The following SV2B variants were observed in gnomAD, a reference collection of about 807,000 sequenced individuals.
SV2B encodes the protein synaptic vesicle glycoprotein 2B.
In SV2B, 41 loss-of-function variants were observed where a neutral mutation model predicts 73.9. The observed-to-expected ratio is 0.56, with a 90% CI of 0.43 to 0.72. SV2B has a LOEUF of 0.72. SV2B is among the 30% of genes least tolerant of loss of function. The probability of loss-of-function intolerance (pLI) is 0.00; values close to 1 mark genes in which losing one functional copy is unlikely to be tolerated. For synonymous variants in SV2B, 314 were observed against 314.2 expected (o/e 1.00, Z 0.01); for missense variants, 764 against 857.8 (o/e 0.89, Z 1.37).
rs1300824336 is a variant in SV2B, at chr15:91,284,780, G to T, written c.1708+559G>T. On this transcript the variant is annotated intron_variant, in intron 11 of 12. Transcript: ENST00000394232. The surrounding 1 kb of genome is among the most constrained non-coding windows in gnomAD (Gnocchi z 4.5). ...ACATCCAGCTGGTAGGGTTTTGTGA[G>T]AATTGAACATAAGGTACCTGTAACA... Among the ~76,000 whole-genome samples the T allele has an allele frequency of 6.6e-6, 1 of 152,198 alleles. No homozygotes were observed. Among genetic ancestry groups the T allele is most frequent in the African/African-American group, 2.4e-5 (1 of 41,444 alleles).
chr15:91,243,952 T>G (rs928946629), intron 2 of SV2B, among the ~76,000 whole-genome samples: 3 of 152,160 alleles, frequency 2.0e-5, no homozygotes, highest in African/African-American at 7.2e-5. Context: ...CAAGTGAGAA[T>G]GTTGCATCCT....
At chr15:91,182,048 T>C (rs866317351) in intron 1 of SV2B, among the ~76,000 whole-genome samples, 1 of 152,104 alleles carries the variant, frequency 6.6e-6, no homozygotes, top group African/African-American at 2.4e-5. Context: ...CATTTCTAGG[T>C]GTAAGATTGT....
At chr15:91,148,925 A>G (rs1481206940) in intron 1 of SV2B, among the ~76,000 whole-genome samples, 1 of 152,210 alleles carries the variant, frequency 6.6e-6, no homozygotes, top group Non-Finnish European at 1.5e-5. Flanking sequence ...TCAGTCCACT[A>G]ATTCAAATGT....
rs541527239 is a variant in SV2B, at chr15:91,153,278, C to T, written c.-392+52915C>T. Reference sequence around the variant, plus strand: ...TGACTTTTGGGGGGACAAATACATTCGAACCATAGCAGCAGGATTCACTAT... The same window carrying T: ...TGACTTTTGGGGGGACAAATACATTTGAACCATAGCAGCAGGATTCACTAT... On this transcript the variant is annotated intron_variant, in intron 1 of 12. Coordinates refer to ENST00000394232, the MANE Select transcript of SV2B (RefSeq NM_001323032.3). 1.4e-4 allele frequency among the ~76,000 whole-genome samples: 22 copies of T among 152,252 alleles called. No individual in the cohort carries two copies. The South Asian group carries it at 1.5e-3, about 10-fold the overall frequency.
In SV2B at chr15:91,289,745, C is replaced by T; in HGVS notation, c.1868+65C>T. Reference sequence around the variant, plus strand: ...GCTTCTTTGGCCAGAAGTCTACCTGCTCCCTAAATCTCATGCTGTGCATGG... The same window carrying T: ...GCTTCTTTGGCCAGAAGTCTACCTGTTCCCTAAATCTCATGCTGTGCATGG... On this transcript the variant is annotated intron_variant, in intron 12 of 12. Coordinates refer to ENST00000394232, the MANE Select transcript of SV2B (RefSeq NM_001323032.3). This position sits in a 1 kb window ranked among gnomAD's most constrained non-coding sequence, Gnocchi z 4.9. 6.6e-7 allele frequency: 1 copy of T among 1,523,510 alleles called. No individual in the cohort carries two copies. The highest frequency in any genetic ancestry group is 8.9e-7 in the Non-Finnish European group (1 of 1,124,066). 94.4% of individuals were successfully genotyped at this position (1,523,510 alleles called of 1,614,324 possible). A position where few individuals can be genotyped will look rare whatever the true frequency, so the allele number is the denominator to read the frequency against.
intron 1 of SV2B, among the ~76,000 whole-genome samples, chr15:91,170,676 G>A (rs892788136): frequency 2.0e-5 from 3 of 152,200 alleles, no homozygotes; most frequent in African/African-American, 7.2e-5. Context: ...CTGCCCTGAG[G>A]TCAGTGATTT....
rs2048133220 is a variant in SV2B at position 91,267,157 on chromosome 15, C to T, written c.1120-398C>T. On this transcript the variant is annotated intron_variant, in intron 7 of 12. Transcript: ENST00000394232. This position sits in a 1 kb window ranked among gnomAD's most constrained non-coding sequence, Gnocchi z 4.3. ...GCTATTGAGCACTGAGGCAGCCAGA[C>T]AGCCAGCGTCTATTGGGACTGGTTG... is the stretch of plus-strand genomic sequence containing the variant. Among the ~76,000 whole-genome samples the T allele has an allele frequency of 6.6e-6, 1 of 152,232 alleles. No homozygotes were observed. Among genetic ancestry groups the T allele is most frequent in the South Asian group, 2.1e-4 (1 of 4,832 alleles).
rs761306253 is a variant in SV2B at position 91,123,412 on chromosome 15, A to G, written c.-392+23049A>G. ...TTCATATTTGAAAACAACATTTTAT[A>G]TATAACAAATATACATAATTTTTAT... On this transcript the variant is annotated intron_variant, in intron 1 of 12. Coordinates refer to ENST00000394232, the MANE Select transcript of SV2B (RefSeq NM_001323032.3). The surrounding 1 kb of genome is among the most constrained non-coding windows in gnomAD (Gnocchi z 4.7). Among the ~76,000 whole-genome samples the G allele has an allele frequency of 1.1e-4, 17 of 152,218 alleles. No homozygotes were observed. The highest frequency in any genetic ancestry group is 1.3e-4 in the Non-Finnish European group (9 of 68,042).
upstream of SV2B, among the ~76,000 whole-genome samples, chr15:91,099,699 T>C (rs993542650): frequency 6.6e-5 from 10 of 152,220 alleles, no homozygotes; most frequent in African/African-American, 1.9e-4. Flanking sequence ...GGGTAGGTTC[T>C]CTTCAGTTCC....
Position 91,225,910 on chromosome 15 carries a change from C to T in SV2B, c.-354C>T, listed in dbSNP as rs73517612. On this transcript the variant is annotated 5_prime_UTR_variant, in exon 2 of 13. In the 5' UTR this introduces an upstream ATG that the reference lacks. Coordinates refer to ENST00000394232, the MANE Select transcript of SV2B (RefSeq NM_001323032.3). ...GGTGGCAGGACAAATCAGGCCAGCA[C>T]GCAGTCTGCCAAGTCCTGCTCGCTC... 2.8e-3 allele frequency: 823 copies of T among 292,796 alleles called. 7 individuals are homozygous for T. The highest frequency in any genetic ancestry group is 0.017 in the African/African-American group (762 of 43,890). The allele number at this position is 292,796 out of a possible 1,614,324, so 18.1% of individuals were successfully genotyped here.
In SV2B at chr15:91,268,623, G is replaced by C. The variant is rs761997095; in HGVS notation, c.1373+18G>C. 1 of 1,602,906 alleles carries C rather than the reference G, an allele frequency of 6.2e-7. No homozygotes were observed. The highest frequency in any genetic ancestry group is 8.5e-7 in the Non-Finnish European group (1 of 1,171,010). The stretch of plus-strand genomic sequence containing the variant: ...AATGATAAGTAAGTGAGTGATCACG[G>C]GCTTCCCTCACATCAGGGTGACAGT... On this transcript the variant is annotated intron_variant, in intron 9 of 12. Coordinates refer to ENST00000394232, the MANE Select transcript of SV2B (RefSeq NM_001323032.3). This position sits in a 1 kb window ranked among gnomAD's most constrained non-coding sequence, Gnocchi z 4.4.
chr15:91,150,941 C>T (rs1030059752), intron 1 of SV2B, among the ~76,000 whole-genome samples: 3 of 152,210 alleles, frequency 2.0e-5, no homozygotes, highest in Non-Finnish European at 4.4e-5. Context: ...CTTTCCTCCC[C>T]TTGCCTAGGA....
At chr15:91,174,459 C>T (rs1432241093) in intron 1 of SV2B, among the ~76,000 whole-genome samples, 1 of 148,790 alleles carries the variant, frequency 6.7e-6, no homozygotes, top group Non-Finnish European at 1.5e-5. Context: ...ATGTTGAATG[C>T]TGTGTTATCC....
At chr15:91,142,635 C>T (rs2141190983) in intron 1 of SV2B, among the ~76,000 whole-genome samples, 1 of 152,346 alleles carries the variant, frequency 6.6e-6, no homozygotes, top group East Asian at 1.9e-4. Context: ...ATCATAACAA[C>T]AGCCCTATTC....
chr15:91,151,722 T>C (rs2043318147), intron 1 of SV2B, among the ~76,000 whole-genome samples: 1 of 152,164 alleles, frequency 6.6e-6, no homozygotes, highest in Non-Finnish European at 1.5e-5. Context: ...TAAATGTGAG[T>C]GTTTTCGTCA....
rs1185638334 is a variant in SV2B at position 91,242,852 on chromosome 15, T to C, written c.452-8967T>C. Among the ~76,000 whole-genome samples, 2 of 152,210 alleles carry C rather than the reference T, an allele frequency of 1.3e-5. No individual in the cohort carries two copies. The highest frequency in any genetic ancestry group is 2.9e-5 in the Non-Finnish European group (2 of 68,042). ...ATAGTAGGTGAAACTACTGTTTGGCTAGTAGTGTTTTAAAACTCAGAGATT... is the reference window on the plus strand; with the variant it reads ...ATAGTAGGTGAAACTACTGTTTGGCCAGTAGTGTTTTAAAACTCAGAGATT... On this transcript the variant is annotated intron_variant, in intron 2 of 12. Transcript: ENST00000394232. The surrounding 1 kb of genome is among the most constrained non-coding windows in gnomAD (Gnocchi z 4.9).
In SV2B at chr15:91,214,627, A is replaced by T. The variant is rs1156355945; in HGVS notation, c.-391-11246A>T. Among the ~76,000 whole-genome samples, 1 of 152,246 alleles carries T rather than the reference A, an allele frequency of 6.6e-6. No homozygotes were observed. Among genetic ancestry groups the T allele is most frequent in the African/African-American group, 2.4e-5 (1 of 41,478 alleles). On this transcript the variant is annotated intron_variant, in intron 1 of 12. Transcript: ENST00000394232. The surrounding 1 kb of genome is among the most constrained non-coding windows in gnomAD (Gnocchi z 4.7). ...AATGCAGTGGGCAAGAATTCGCTTT[A>T]CAACAGCCACTGTATGGCAAGAAAT...
At chr15:91,285,145 A>G (rs1310365322) in intron 11 of SV2B, among the ~76,000 whole-genome samples, 1 of 152,228 alleles carries the variant, frequency 6.6e-6, no homozygotes, top group East Asian at 1.9e-4. Flanking sequence ...AAAATTGATC[A>G]GGTCTTCATG....
At chr15:91,150,287 G>T (rs1003003716) in intron 1 of SV2B, among the ~76,000 whole-genome samples, 7 of 152,094 alleles carry the variant, frequency 4.6e-5, no homozygotes, top group Non-Finnish European at 7.4e-5. Context: ...GATTACAGAC[G>T]TGAGCCACCA....
Sources: allele counts gnomAD v4.1 joint callset (sites outside exome capture counted in the v4.1 genomes callset), GRCh38; gene constraint gnomAD v4.1.1; non-coding constraint Gnocchi (gnomAD v3.1); transcripts MANE v1.5; gene names NCBI Gene and HGNC (gene_info 2026-07-23, HGNC 2026-07-21).